Variants in PLCH1 observed in about 807,000 individuals in gnomAD.
The protein encoded by PLCH1 is phospholipase C eta 1.
A neutral mutation model predicts 126.7 loss-of-function variants in PLCH1; 60 were observed. That is an observed-to-expected ratio of 0.47 (90% CI 0.38 to 0.59). PLCH1 has a LOEUF of 0.59. Ranked by LOEUF, PLCH1 falls within the 20% of genes least tolerant of loss-of-function variation. The probability of loss-of-function intolerance (pLI) is 0.00; values close to 1 mark genes in which losing one functional copy is unlikely to be tolerated. For missense variants in PLCH1, 1,723 were observed against 2,040.0 expected, an observed-to-expected ratio of 0.84 and a Z score of 2.99; for synonymous variants, 719 against 734.9, an observed-to-expected ratio of 0.98 and a Z score of 0.35.
At chr3:155,710,263 T>C (rs991770109) in intron 1 of PLCH1, among the ~76,000 whole-genome samples, 6 of 152,146 alleles carry the variant, frequency 3.9e-5, no homozygotes, top group Non-Finnish European at 7.4e-5. Flanking sequence ...GTTCTGGGAT[T>C]ATAGACATGA....
intron 6 of PLCH1, 51 bp from the exon 7 acceptor site, chr3:155,568,375 T>C: frequency 1.3e-6 from 1 of 756,972 alleles, no homozygotes; most frequent in Non-Finnish European, 2.3e-6. Flanking sequence ...TAAACTATGT[T>C]CCTCCACAGT....
chr3:155,566,086 T>C (rs1577025926), intron 7 of PLCH1, among the ~76,000 whole-genome samples: 1 of 146,918 alleles, frequency 6.8e-6, no homozygotes, highest in East Asian at 2.0e-4. Flanking sequence ...GGAATAGCCT[T>C]TTAAATATAA....
intron 1 of PLCH1, among the ~76,000 whole-genome samples, chr3:155,731,611 A>G (rs1748774673): frequency 6.6e-6 from 1 of 152,116 alleles, no homozygotes; most frequent in South Asian, 2.1e-4. Context: ...TTCCCACACA[A>G]AGTCAGTCTA....
At chr3:155,531,387 G>C (rs1414322618) in intron 10 of PLCH1, among the ~76,000 whole-genome samples, 1 of 152,190 alleles carries the variant, frequency 6.6e-6, no homozygotes, top group African/African-American at 2.4e-5. Context: ...CACTTTGGGA[G>C]GCCAAGGCAG....
intron 8 of PLCH1, 71 bp downstream of exon 8, chr3:155,564,844 A>G (rs1728112387): frequency 1.1e-6 from 1 of 933,028 alleles, no homozygotes; most frequent in East Asian, 2.4e-5. Flanking sequence ...CATTCTTTAT[A>G]CTAGACTCGA....
chr3:155,511,193 C>G (rs12490825), intron 12 of PLCH1, among the ~76,000 whole-genome samples: 13,221 of 13,400 alleles, frequency 0.99, 6,557 homozygotes, highest in Middle Eastern at 1. Context: ...TCGAGCCTTG[C>G]TTTTCAGCTC....
rs138196314 is a variant in PLCH1 at position 155,707,957 on chromosome 3, C to T, written c.-40-3693G>A. ...GGGCTGGGTAACATGCCACTGCCTTCATGAAATGCCCCCAGGAATCTCTCC... is the reference window on the plus strand; with the variant it reads ...GGGCTGGGTAACATGCCACTGCCTTTATGAAATGCCCCCAGGAATCTCTCC... On this transcript the variant is annotated intron_variant, in intron 1 of 22. Transcript: ENST00000460012. Among the ~76,000 whole-genome samples the T allele has an allele frequency of 4.6e-5, 7 of 152,314 alleles. No homozygotes were observed. In the East Asian group the frequency reaches 1.3e-3, roughly 29 times the overall value.
chr3:155,481,063 CA>C lies in PLCH1; in HGVS notation c.4962del (p.Tyr1654Ter). On this transcript the variant is annotated frameshift_variant, in exon 23 of 23. Coordinates refer to ENST00000460012, the MANE Select transcript of PLCH1 (RefSeq NM_014996.4). LOFTEE classifies it high-confidence loss of function. The surrounding 1 kb of genome is among the most constrained non-coding windows in gnomAD (Gnocchi z 4.2). ...IPEGACTALH[Y>X]GHVDQFCSDN... ...TCTGAACAAAACTGGTCAACGTGGC[CA>C]TAGTGAAGAGCCGTGCATGCCCCCT... The C allele has an allele frequency of 6.2e-7, 1 of 1,614,020 alleles. No individual in the cohort carries two copies. The highest frequency in any genetic ancestry group is 8.5e-7 in the Non-Finnish European group (1 of 1,179,842).
At chr3:155,563,994 T>C (rs1331988143) in intron 8 of PLCH1, among the ~76,000 whole-genome samples, 1 of 152,070 alleles carries the variant, frequency 6.6e-6, no homozygotes, top group Non-Finnish European at 1.5e-5. Context: ...TGGAATGCAA[T>C]AGCTATTCAC....
chr3:155,734,391 T>C (rs1749001401), intron 1 of PLCH1, among the ~76,000 whole-genome samples: 1 of 152,042 alleles, frequency 6.6e-6, no homozygotes, highest in South Asian at 2.1e-4. Flanking sequence ...GCCCATGAGG[T>C]CAAGACTGCA....
chr3:155,475,674 A>T (rs1713515360), downstream of PLCH1, among the ~76,000 whole-genome samples: 1 of 152,182 alleles, frequency 6.6e-6, no homozygotes, highest in Admixed American at 6.5e-5. Context: ...ATTAGTGGCT[A>T]CCATGAGCAA....
chr3:155,542,067 C>T (rs147248947), intron 10 of PLCH1, among the ~76,000 whole-genome samples: 9,157 of 152,164 alleles, frequency 0.06, 577 homozygotes, highest in African/African-American at 0.16. Flanking sequence ...ATGCGCGAGC[C>T]GAAGCAGGGC....
chr3:155,460,815 TAGATAGA>T (rs1249841152), intron 21 of PLCH1, among the ~76,000 whole-genome samples: 1 of 151,040 alleles, frequency 6.6e-6, no homozygotes, highest in African/African-American at 2.5e-5. Flanking sequence ...GATAGATAGA[TAGATAGA>T]TAGATAGATA....
At chr3:155,555,233 T>C (rs1726660361) in intron 8 of PLCH1, among the ~76,000 whole-genome samples, 1 of 152,250 alleles carries the variant, frequency 6.6e-6, no homozygotes, top group Non-Finnish European at 1.5e-5. Flanking sequence ...GCCTGGCTAA[T>C]CATTCACTAA....
At chr3:155,743,565 T>C in intron 1 of PLCH1, 1 of 453,798 alleles carries the variant, frequency 2.2e-6, no homozygotes, top group Non-Finnish European at 4.4e-6. Context: ...AATGACCAGC[T>C]TGAGAAAACT....
chr3:155,674,515 A>T (rs1437214026), intron 2 of PLCH1, among the ~76,000 whole-genome samples: 1 of 152,224 alleles, frequency 6.6e-6, no homozygotes, highest in Non-Finnish European at 1.5e-5. Context: ...ATCAGAAGAA[A>T]GATTTTTTGA....
Position 155,532,270 on chromosome 3 carries a change from A to G in PLCH1, c.1363-8266T>C, listed in dbSNP as rs370486656. ...TTGTGCTACAAGAACTACTGCAGGA[A>G]CATACCAGGAAAACCAAAAGAATTC... On this transcript the variant is annotated intron_variant, in intron 10 of 22. Coordinates refer to ENST00000460012, the MANE Select transcript of PLCH1 (RefSeq NM_014996.4). Among the ~76,000 whole-genome samples the G allele has an allele frequency of 8.5e-5, 13 of 152,340 alleles. No homozygotes were observed. In the East Asian group the frequency reaches 1.9e-3, roughly 23 times the overall value.
chr3:155,551,890 C>A (rs1168480475), intron 9 of PLCH1, among the ~76,000 whole-genome samples: 1 of 152,116 alleles, frequency 6.6e-6, no homozygotes, highest in Non-Finnish European at 1.5e-5. Context: ...ATTGTCAAAT[C>A]ACCAGAGGAT....
intron 12 of PLCH1, among the ~76,000 whole-genome samples, chr3:155,505,490 C>A (rs560993222): frequency 1.2e-4 from 18 of 152,242 alleles, no homozygotes; most frequent in African/African-American, 4.3e-4. Flanking sequence ...AGCAGGTAAC[C>A]ACATAAATGG....
Sources: gnomAD v4.1 joint callset for allele counts (sites outside exome capture counted in the v4.1 genomes callset) on GRCh38, gnomAD v4.1.1 for gene constraint, Gnocchi (gnomAD v3.1) non-coding constraint, MANE v1.5 for transcripts, NCBI Gene and HGNC (gene_info 2026-07-23, HGNC 2026-07-21) for gene names.